WWOX: variants seen among roughly 807,000 people sequenced by gnomAD.
The protein encoded by WWOX is WW domain-containing oxidoreductase.
In WWOX, 69 loss-of-function variants were observed where a neutral mutation model predicts 46.2. The ratio of observed to expected loss-of-function variants is 1.49; its 90% CI spans 1.23 to 1.82. The LOEUF is 1.82. Among genes scored for constraint, WWOX ranks in the 40% most tolerant of loss-of-function variants. WWOX has a pLI of 0.00. For synonymous variants in WWOX, 359 were observed against 202.6 expected (o/e 1.77, Z -6.56); for missense variants, 919 against 542.6 (o/e 1.69, Z -6.89).
intron 8 of WWOX, among the ~76,000 whole-genome samples, chr16:78,711,791 C>T (rs1253714440): frequency 6.6e-6 from 1 of 152,162 alleles, no homozygotes; most frequent in Non-Finnish European, 1.5e-5. Context: ...CAGGAGCCTT[C>T]TCAAAGCCTC....
At chr16:78,872,937 A>G (rs1048836344) in intron 8 of WWOX, 1 of 152,290 alleles carries the variant, frequency 6.6e-6, no homozygotes, top group African/African-American at 2.4e-5. Flanking sequence ...ATCTGGGACC[A>G]CAGGTATATT....
chr16:78,120,430 C>T (rs1044057048), intron 4 of WWOX, among the ~76,000 whole-genome samples: 19 of 152,070 alleles, frequency 1.2e-4, no homozygotes, highest in African/African-American at 4.3e-4. Flanking sequence ...ATTAGCCAGG[C>T]GCAGTGGCGG....
intron 8 of WWOX, among the ~76,000 whole-genome samples, chr16:78,818,240 A>G (rs970085954): frequency 7.2e-5 from 11 of 152,326 alleles, no homozygotes; most frequent in Middle Eastern, 3.4e-3. Context: ...TTACCCTGGA[A>G]GGGAGACCTG....
intron 8 of WWOX, among the ~76,000 whole-genome samples, chr16:79,096,126 C>T (rs1332281888): frequency 6.6e-6 from 1 of 150,568 alleles, no homozygotes; most frequent in Non-Finnish European, 1.5e-5. Flanking sequence ...CCTCGGTCTC[C>T]CAAAGTGCTG....
chr16:79,076,291 C>G (rs989126240), intron 8 of WWOX, among the ~76,000 whole-genome samples: 1 of 152,162 alleles, frequency 6.6e-6, no homozygotes, highest in African/African-American at 2.4e-5. Context: ...ATCACTTTTT[C>G]CTAGTATCTG....
At chr16:78,535,254 C>G (rs1392078609) in intron 8 of WWOX, 1 of 152,212 alleles carries the variant, frequency 6.6e-6, no homozygotes, top group Non-Finnish European at 1.5e-5. Flanking sequence ...CCATCAGAGT[C>G]TGAATGATCA....
chr16:78,916,765 T>G (rs994181842), intron 8 of WWOX, among the ~76,000 whole-genome samples: 2 of 152,248 alleles, frequency 1.3e-5, no homozygotes, highest in East Asian at 3.8e-4. Context: ...TGGGAAAGTT[T>G]ATCCAATTGT....
chr16:79,139,834 A>G lies in WWOX; in HGVS notation c.1057-71774A>G, dbSNP rs191307758. Among the ~76,000 whole-genome samples the G allele has an allele frequency of 3.5e-4, 54 of 152,340 alleles. No individual in the cohort carries two copies. The East Asian group carries it at 5.8e-3, about 16-fold the overall frequency. The stretch of plus-strand genomic sequence containing the variant: ...TTGCCCGAATGACTTTAGTGACAGT[A>G]TCTACTAAAACTGATACTAATTCTG... On this transcript the variant is annotated intron_variant, in intron 8 of 8. Transcript: ENST00000566780.
rs148715443 is a variant in WWOX, at chr16:78,421,635, G to A, written c.606-3235G>A. On this transcript the variant is annotated intron_variant, in intron 6 of 8. Coordinates refer to ENST00000566780, the MANE Select transcript of WWOX (RefSeq NM_016373.4). ...CTACCATTCAACCCACTATAAAGCA[G>A]TGGCATATGAAAAGGATGGGAGGTT... is the stretch of plus-strand genomic sequence containing the variant. Among the ~76,000 whole-genome samples the A allele has an allele frequency of 5.4e-4, 82 of 152,264 alleles. No individual in the cohort carries two copies. The East Asian group carries it at 0.014, about 26-fold the overall frequency.
At chr16:78,574,235 A>C (rs950091033) in intron 8 of WWOX, among the ~76,000 whole-genome samples, 2 of 152,202 alleles carry the variant, frequency 1.3e-5, no homozygotes, top group African/African-American at 2.4e-5. Context: ...GGTGTCTTAC[A>C]TGCCCAATGT....
At chr16:79,211,282 GAAGGA>G (rs2051735676) in intron 8 of WWOX, among the ~76,000 whole-genome samples, 3 of 152,186 alleles carry the variant, frequency 2.0e-5, no homozygotes, top group Non-Finnish European at 4.4e-5. Context: ...TGCACGTTCA[GAAGGA>G]TACCATCTTT....
At chr16:78,536,578 A>G (rs888061086) in intron 8 of WWOX, among the ~76,000 whole-genome samples, 3 of 152,100 alleles carry the variant, frequency 2.0e-5, no homozygotes, top group African/African-American at 7.2e-5. Flanking sequence ...TATGGTAGCC[A>G]AGGACAGTAC....
chr16:78,152,382 ATAT>A (rs149076109), intron 4 of WWOX, among the ~76,000 whole-genome samples: 22,415 of 152,090 alleles, frequency 0.15, 1,937 homozygotes, highest in East Asian at 0.22. Context: ...TTCCTCCCAC[ATAT>A]TTGCAAGTCT....
chr16:78,674,855 C>A (rs1372009672), intron 8 of WWOX, among the ~76,000 whole-genome samples: 1 of 149,438 alleles, frequency 6.7e-6, no homozygotes, highest in African/African-American at 2.5e-5. Context: ...GAAGAAAGAG[C>A]AGATCTGGAT....
intron 8 of WWOX, among the ~76,000 whole-genome samples, chr16:78,634,901 T>G (rs1261532376): frequency 2.7e-5 from 4 of 150,936 alleles, no homozygotes; most frequent in Admixed American, 2.6e-4. Flanking sequence ...CGCTGGTGTT[T>G]AGGTGGGCTT....
At chr16:78,603,953 G>A (rs1159908928) in intron 8 of WWOX, among the ~76,000 whole-genome samples, 1 of 151,954 alleles carries the variant, frequency 6.6e-6, no homozygotes, top group Non-Finnish European at 1.5e-5. Flanking sequence ...ATCAGCCTGG[G>A]TAACATAGGG....
At chr16:78,859,001 T>TAAAAA (rs542176032) in intron 8 of WWOX, among the ~76,000 whole-genome samples, 3 of 44,318 alleles carry the variant, frequency 6.8e-5, no homozygotes, top group African/African-American at 2.2e-4. Flanking sequence ...TTTTGAAATT[T>TAAAAA]AAAAAAAAAA....
intron 5 of WWOX, among the ~76,000 whole-genome samples, chr16:78,386,237 A>G (rs1191494915): frequency 1.3e-5 from 2 of 152,168 alleles, no homozygotes; most frequent in South Asian, 2.1e-4. Context: ...GCAGGCCCTA[A>G]GTACACAGTA....
intron 8 of WWOX, among the ~76,000 whole-genome samples, chr16:78,603,054 A>T (rs1390404374): frequency 6.6e-6 from 1 of 152,188 alleles, no homozygotes; most frequent in East Asian, 1.9e-4. Flanking sequence ...AACGGGGTGG[A>T]GGTGGAGTAC....
Sources: allele counts gnomAD v4.1 joint callset (sites outside exome capture counted in the v4.1 genomes callset), GRCh38; gene constraint gnomAD v4.1.1; transcripts MANE v1.5; gene names NCBI Gene and HGNC (gene_info 2026-07-23, HGNC 2026-07-21).